DTNB: variants seen among roughly 807,000 people sequenced by gnomAD.
DTNB encodes dystrobrevin beta, also known as DTN-B.
In DTNB, 63 loss-of-function variants were observed where a neutral mutation model predicts 90.7. The observed-to-expected ratio is 0.69, with a 90% CI of 0.57 to 0.86. The LOEUF (loss-of-function observed/expected upper bound fraction) is 0.86, where lower values mean the gene tolerates loss of function less well. DTNB is among the 40% of genes least tolerant of loss of function. DTNB has a pLI of 0.00. For synonymous variants in DTNB, 277 were observed against 286.7 expected (o/e 0.97, Z 0.34); for missense variants, 744 against 807.1 (o/e 0.92, Z 0.95).
rs1179596539 is a variant in DTNB at position 25,434,399 on chromosome 2, C to CTTTTTTT, written c.1258-411_1258-405dup. ...AATTCATGTTTTTCCATGAACTAGT[C>CTTTTTTT]TTTTTTTTTTTTTTTTTTTTTTGAG... On this transcript the variant is annotated intron_variant, in intron 12 of 20. Coordinates refer to ENST00000406818, the MANE Select transcript of DTNB (RefSeq NM_021907.5). 2.7e-4 allele frequency among the ~76,000 whole-genome samples: 26 copies of CTTTTTTT among 95,506 alleles called. 1 individual carries two copies. The highest frequency in any genetic ancestry group is 6.6e-3 in the Middle Eastern group (1 of 152). The allele number at this position is 95,506 out of a possible 152,430, so 62.7% of individuals were successfully genotyped here.
chr2:25,540,392 T>C (rs1177161958), intron 8 of DTNB, among the ~76,000 whole-genome samples: 4 of 152,256 alleles, frequency 2.6e-5, no homozygotes, highest in Non-Finnish European at 5.9e-5. Context: ...TTTATAAACA[T>C]ATTTTGTATA....
At chr2:25,468,476 A>T (rs1463749623) in intron 10 of DTNB, among the ~76,000 whole-genome samples, 3 of 152,210 alleles carry the variant, frequency 2.0e-5, no homozygotes, top group Non-Finnish European at 2.9e-5. Context: ...GTTTGAAGGT[A>T]GTATGTAAGT....
At chr2:25,596,839 CTG>C (rs1246721525) in intron 5 of DTNB, among the ~76,000 whole-genome samples, 2 of 152,166 alleles carry the variant, frequency 1.3e-5, no homozygotes, top group African/African-American at 4.8e-5. Flanking sequence ...CACTTTGATA[CTG>C]TAAGACCCTA....
chr2:25,380,389 T>C (rs1291723250), intron 19 of DTNB, among the ~76,000 whole-genome samples: 1 of 152,218 alleles, frequency 6.6e-6, no homozygotes, highest in Non-Finnish European at 1.5e-5. Flanking sequence ...AAAATGCCCA[T>C]GTATGAGCTA....
chr2:25,387,200 T>C lies in DTNB; in HGVS notation c.1825+89A>G. ...AAATGGGGTGGTGCAAGCTGGGTGG[T>C]GAGGTTCTGCCGGTGCTGGCAAGGA... On this transcript the variant is annotated intron_variant, in intron 18 of 20. Transcript: ENST00000406818. This position sits in a 1 kb window ranked among gnomAD's most constrained non-coding sequence, Gnocchi z 4.5. The C allele has an allele frequency of 1.6e-6, 2 of 1,280,848 alleles. No homozygotes were observed. The highest frequency in any genetic ancestry group is 1.1e-6 in the Non-Finnish European group (1 of 910,266). 79.3% of individuals were successfully genotyped at this position (1,280,848 alleles called of 1,614,324 possible).
chr2:25,451,908 G>A (rs2059349731), intron 11 of DTNB, among the ~76,000 whole-genome samples: 2 of 152,250 alleles, frequency 1.3e-5, no homozygotes, highest in Admixed American at 6.5e-5. Context: ...AGAAAACACA[G>A]GGCACCCACA....
intron 9 of DTNB, among the ~76,000 whole-genome samples, chr2:25,491,529 A>G (rs530295332): frequency 6.6e-6 from 1 of 152,292 alleles, no homozygotes; most frequent in East Asian, 1.9e-4. Flanking sequence ...GGTAAGAAGT[A>G]ATCTATTATA....
chr2:25,411,644 A>G (rs937289837), intron 16 of DTNB, among the ~76,000 whole-genome samples: 9 of 152,132 alleles, frequency 5.9e-5, no homozygotes, highest in African/African-American at 1.9e-4. Context: ...CATCTGTACC[A>G]TTTGCCAACT....
At chr2:25,410,188 T>C (rs1044052951) in intron 16 of DTNB, among the ~76,000 whole-genome samples, 5 of 152,160 alleles carry the variant, frequency 3.3e-5, no homozygotes, top group African/African-American at 1.2e-4. Context: ...GCTGAGGAGA[T>C]AATGTTTTTG....
chr2:25,511,240 A>G (rs1381034037), intron 9 of DTNB, among the ~76,000 whole-genome samples: 1 of 152,176 alleles, frequency 6.6e-6, no homozygotes, highest in Admixed American at 6.5e-5. Flanking sequence ...CGTACCATTT[A>G]TTTGTATTTA....
At chr2:25,419,622 C>T in intron 15 of DTNB, 87 bp from the exon 16 acceptor site, 3 of 1,501,512 alleles carry the variant, frequency 2.0e-6, no homozygotes, top group South Asian at 2.5e-5. Context: ...AAACATTGGT[C>T]AGAAATGATA....
intron 10 of DTNB, among the ~76,000 whole-genome samples, chr2:25,459,362 T>C (rs2060573586): frequency 1.3e-5 from 2 of 152,232 alleles, no homozygotes; most frequent in Admixed American, 1.3e-4. Context: ...TGTCTTTAAG[T>C]TCAGTGTAAG....
At chr2:25,378,599 A>G (rs1165721383) in intron 20 of DTNB, among the ~76,000 whole-genome samples, 1 of 152,082 alleles carries the variant, frequency 6.6e-6, no homozygotes, top group African/African-American at 2.4e-5. Context: ...AGGGGAGGGA[A>G]GACAAGATTT....
At chr2:25,657,510 G>C (rs1184369890) in intron 1 of DTNB, among the ~76,000 whole-genome samples, 3 of 152,156 alleles carry the variant, frequency 2.0e-5, no homozygotes, top group Non-Finnish European at 4.4e-5. Context: ...CTTCAGCCCA[G>C]TAGTTCAAGA....
intron 10 of DTNB, among the ~76,000 whole-genome samples, chr2:25,476,718 G>C (rs781613636): frequency 1.3e-5 from 2 of 152,172 alleles, no homozygotes; most frequent in Non-Finnish European, 2.9e-5. Flanking sequence ...AATAAAACTT[G>C]AAAAGGTAAG....
chr2:25,411,823 C>T (rs1243313280), intron 16 of DTNB, among the ~76,000 whole-genome samples: 1 of 152,164 alleles, frequency 6.6e-6, no homozygotes, highest in Non-Finnish European at 1.5e-5. Context: ...CTGTCTTGAA[C>T]ATATATAGTA....
At chr2:25,389,461 T>C (rs922685884) in intron 16 of DTNB, among the ~76,000 whole-genome samples, 18 of 152,210 alleles carry the variant, frequency 1.2e-4, no homozygotes, top group African/African-American at 4.3e-4. Flanking sequence ...AACCAAGCTT[T>C]CCTTGGGAGG....
intron 10 of DTNB, among the ~76,000 whole-genome samples, chr2:25,472,863 G>C (rs777831523): frequency 6.6e-6 from 1 of 152,158 alleles, no homozygotes; most frequent in Admixed American, 6.6e-5. Context: ...TAGCGCCTGG[G>C]TGACAAGAGT....
intron 8 of DTNB, among the ~76,000 whole-genome samples, chr2:25,534,119 GT>G (rs1008186906): frequency 6.6e-6 from 1 of 152,088 alleles, no homozygotes; most frequent in Non-Finnish European, 1.5e-5. Context: ...AAGGTCTCTG[GT>G]TTTCCTAGGC....
Sources: allele counts gnomAD v4.1 joint callset (sites outside exome capture counted in the v4.1 genomes callset), GRCh38; gene constraint gnomAD v4.1.1; non-coding constraint Gnocchi (gnomAD v3.1); transcripts MANE v1.5; gene names NCBI Gene and HGNC (gene_info 2026-07-23, HGNC 2026-07-21).